EPC2: variants seen among roughly 807,000 people sequenced by gnomAD.
EPC2 encodes enhancer of polycomb 2.
A neutral mutation model predicts 92.1 loss-of-function variants in EPC2; 14 were observed. That is an observed-to-expected ratio of 0.15 (90% CI 0.10 to 0.24). The LOEUF is 0.24. EPC2 is among the 10% of genes least tolerant of loss of function. EPC2 has a pLI of 1.00. For missense variants in EPC2, 755 were observed against 971.5 expected (o/e 0.78, Z 2.96); for synonymous variants, 340 against 334.7 (o/e 1.02, Z -0.17).
At chr2:148,755,148 A>G (rs1683161879) in intron 4 of EPC2, among the ~76,000 whole-genome samples, 2 of 152,130 alleles carry the variant, frequency 1.3e-5, no homozygotes, top group Non-Finnish European at 2.9e-5. Flanking sequence ...ATTCTTGAGG[A>G]TGTGATTTTT....
intron 2 of EPC2, among the ~76,000 whole-genome samples, chr2:148,719,403 T>C (rs902789000): frequency 6.6e-6 from 1 of 152,238 alleles, no homozygotes; most frequent in Non-Finnish European, 1.5e-5. Flanking sequence ...TTGAGGTTGC[T>C]GACCTTTGGG....
intron 2 of EPC2, among the ~76,000 whole-genome samples, chr2:148,694,183 A>C (rs1681699082): frequency 1.3e-5 from 2 of 152,232 alleles, no homozygotes; most frequent in African/African-American, 4.8e-5. Flanking sequence ...TTATTAGTGC[A>C]TACAGTGAAA....
intron 1 of EPC2, among the ~76,000 whole-genome samples, chr2:148,670,937 A>C (rs1681142096): frequency 6.6e-6 from 1 of 152,046 alleles, no homozygotes; most frequent in African/African-American, 2.4e-5. Flanking sequence ...TTCCTTTCTC[A>C]TCTTCTGAAA....
chr2:148,656,295 A>G (rs1259550766), intron 1 of EPC2, among the ~76,000 whole-genome samples: 5 of 152,156 alleles, frequency 3.3e-5, no homozygotes, highest in Non-Finnish European at 5.9e-5. Context: ...CCTAAGTGGC[A>G]GTTTGGTTGT....
chr2:148,672,762 T>C (rs137916908), intron 1 of EPC2, among the ~76,000 whole-genome samples: 2 of 152,334 alleles, frequency 1.3e-5, no homozygotes, highest in African/African-American at 4.8e-5. Flanking sequence ...GGTTCTCTAT[T>C]TGCCTATATA....
chr2:148,753,864 A>T, intron 3 of EPC2, 63 bp from the exon 4 acceptor site: 1 of 1,445,592 alleles, frequency 6.9e-7, no homozygotes, highest in South Asian at 1.3e-5. Context: ...CTACAGCCAT[A>T]AGCTAACTTT....
chr2:148,656,001 C>CTGTGTGTGTGTGTG (rs1553537658), intron 1 of EPC2, among the ~76,000 whole-genome samples: 1 of 59,904 alleles, frequency 1.7e-5, no homozygotes, highest in Admixed American at 1.5e-4. Flanking sequence ...CTGCTGTTAG[C>CTGTGTGTGTGTGTG]TGTGTGTGTG....
intron 7 of EPC2, among the ~76,000 whole-genome samples, chr2:148,766,827 G>A (rs1322041413): frequency 2.0e-5 from 3 of 152,074 alleles, no homozygotes; most frequent in African/African-American, 7.2e-5. Context: ...TGTATAATAG[G>A]CTTATATTGG....
At chr2:148,739,236 A>G (rs1334014941) in intron 2 of EPC2, among the ~76,000 whole-genome samples, 4 of 152,254 alleles carry the variant, frequency 2.6e-5, no homozygotes, top group African/African-American at 9.6e-5. Context: ...GGTATTATAT[A>G]GCAATCATAT....
chr2:148,655,927 A>C (rs1680783772), intron 1 of EPC2, among the ~76,000 whole-genome samples: 1 of 151,484 alleles, frequency 6.6e-6, no homozygotes, highest in African/African-American at 2.4e-5. Context: ...ATTTAACAGC[A>C]CAAAAGCATA....
intron 1 of EPC2, among the ~76,000 whole-genome samples, chr2:148,673,938 C>G (rs1478430642): frequency 2.6e-5 from 4 of 152,184 alleles, no homozygotes; most frequent in Non-Finnish European, 5.9e-5. Flanking sequence ...CATTGATCCT[C>G]TTTAAGACAG....
At chr2:148,716,339 T>G (rs1682260796) in intron 2 of EPC2, among the ~76,000 whole-genome samples, 1 of 152,186 alleles carries the variant, frequency 6.6e-6, no homozygotes, top group Admixed American at 6.5e-5. Context: ...CTTTTGCCCA[T>G]TCAGTATGTT....
chr2:148,654,270 C>T (rs1383188090), intron 1 of EPC2, among the ~76,000 whole-genome samples: 1 of 152,056 alleles, frequency 6.6e-6, no homozygotes, highest in African/African-American at 2.4e-5. Flanking sequence ...TTTGTAAAAA[C>T]TTAAGTCTGT....
At chr2:148,729,853 T>A (rs1231795042) in intron 2 of EPC2, among the ~76,000 whole-genome samples, 1 of 152,238 alleles carries the variant, frequency 6.6e-6, no homozygotes, top group East Asian at 1.9e-4. Flanking sequence ...GTTGCCATTC[T>A]TATGGCCTGT....
intron 8 of EPC2, 100 bp downstream of exon 8, chr2:148,769,340 C>A: frequency 1.2e-6 from 1 of 805,690 alleles, no homozygotes. Context: ...GGAAATGCAT[C>A]AGTACTTTTT....
chr2:148,763,297 A>G (rs1479027706), intron 6 of EPC2, among the ~76,000 whole-genome samples: 1 of 152,120 alleles, frequency 6.6e-6, no homozygotes, highest in East Asian at 1.9e-4. Context: ...AAAGTCCTGT[A>G]ATTTCTGGGT....
chr2:148,718,706 T>G (rs1479328749), intron 2 of EPC2, among the ~76,000 whole-genome samples: 2 of 152,156 alleles, frequency 1.3e-5, no homozygotes, highest in African/African-American at 2.4e-5. Flanking sequence ...AATCTGATGA[T>G]TATGTGTTTT....
At chr2:148,684,083 A>G (rs571249088) in intron 1 of EPC2, among the ~76,000 whole-genome samples, 12 of 152,242 alleles carry the variant, frequency 7.9e-5, no homozygotes, top group African/African-American at 2.9e-4. Context: ...ATCTCATTGC[A>G]GTTTTGATTT....
intron 2 of EPC2, among the ~76,000 whole-genome samples, chr2:148,694,940 T>G (rs1681716269): frequency 6.6e-6 from 1 of 152,130 alleles, no homozygotes; most frequent in African/African-American, 2.4e-5. Context: ...GCCCGGCTAA[T>G]TTTTGTATTT....
Sources: allele counts gnomAD v4.1 joint callset (sites outside exome capture counted in the v4.1 genomes callset), GRCh38; gene constraint gnomAD v4.1.1; transcripts MANE v1.5; gene names NCBI Gene and HGNC (gene_info 2026-07-23, HGNC 2026-07-21).